The following SOX5 variants were observed in gnomAD, a reference collection of about 807,000 sequenced individuals.
SOX5 encodes the protein SRY-box transcription factor 5.
In SOX5, 9 loss-of-function variants were observed where a neutral mutation model predicts 92.0. That is an observed-to-expected ratio of 0.10 (90% CI 0.06 to 0.17). SOX5 has a LOEUF of 0.17. SOX5 is among the 10% of genes least tolerant of loss of function. The pLI is 1.00. For synonymous variants in SOX5, 344 were observed against 336.3 expected (o/e 1.02, Z -0.25); for missense variants, 642 against 944.5 (o/e 0.68, Z 4.20).
chr12:24,437,215 TG>T (rs1939613912), intron 1 of SOX5, among the ~76,000 whole-genome samples: 1 of 151,144 alleles, frequency 6.6e-6, no homozygotes, highest in Non-Finnish European at 1.5e-5. Context: ...TAATAAGCAA[TG>T]GGGAAATGAT....
intron 9 of SOX5, among the ~76,000 whole-genome samples, chr12:23,584,247 A>T (rs1317962018): frequency 6.6e-6 from 1 of 152,128 alleles, no homozygotes; most frequent in African/African-American, 2.4e-5. Context: ...ACGGGGGGAA[A>T]AAACCACTGA....
At chr12:23,950,998 CA>C, upstream of SOX5, 1 of 790,160 alleles carries the variant, frequency 1.3e-6, no homozygotes. Flanking sequence ...CACACACACA[CA>C]CACACTCACT....
chr12:23,711,157 T>G (rs1483134992), intron 6 of SOX5, among the ~76,000 whole-genome samples: 3 of 152,204 alleles, frequency 2.0e-5, no homozygotes, highest in Non-Finnish European at 2.9e-5. Context: ...ATGTTGCCTT[T>G]TTTTCTGTTT....
intron 1 of SOX5, among the ~76,000 whole-genome samples, chr12:23,942,937 T>C (rs1943930409): frequency 6.6e-6 from 1 of 152,088 alleles, no homozygotes; most frequent in South Asian, 2.1e-4. Flanking sequence ...AGAGCAGAAA[T>C]AGAAACGCTG....
At chr12:24,462,048 A>G (rs1235810957) in intron 1 of SOX5, among the ~76,000 whole-genome samples, 1 of 152,216 alleles carries the variant, frequency 6.6e-6, no homozygotes, top group African/African-American at 2.4e-5. Context: ...ACAATGTACA[A>G]TCATGCATCA....
At chr12:24,562,511 CCT>C, upstream of SOX5, 1 of 153,050 alleles carries the variant, frequency 6.5e-6, no homozygotes, top group Non-Finnish European at 1.4e-5. Flanking sequence ...CGCGCGTGTC[CCT>C]CTCTCTCCCC....
chr12:24,179,191 G>A (rs556339790), intron 4 of SOX5, among the ~76,000 whole-genome samples: 79 of 152,142 alleles, frequency 5.2e-4, no homozygotes, highest in African/African-American at 1.8e-3. Context: ...TTAAATATTC[G>A]AACAGTATCT....
At chr12:23,990,013 C>T (rs1950415086) in intron 4 of SOX5, among the ~76,000 whole-genome samples, 1 of 151,260 alleles carries the variant, frequency 6.6e-6, no homozygotes, top group South Asian at 2.1e-4. Context: ...AGAGATAGTG[C>T]CATTATTAAC....
chr12:23,622,639 C>T (rs1205795106), intron 8 of SOX5, among the ~76,000 whole-genome samples: 2 of 152,014 alleles, frequency 1.3e-5, no homozygotes, highest in African/African-American at 4.8e-5. Flanking sequence ...AAAATTTACC[C>T]ATTAAAATAT....
intron 1 of SOX5, among the ~76,000 whole-genome samples, chr12:24,499,678 G>C (rs1420123042): frequency 6.6e-6 from 1 of 151,680 alleles, no homozygotes; most frequent in Non-Finnish European, 1.5e-5. Context: ...ATGAAAGGCT[G>C]ATTTAATAGT....
chr12:23,964,950 T>A (rs1000514710), intron 4 of SOX5, among the ~76,000 whole-genome samples: 1 of 152,150 alleles, frequency 6.6e-6, no homozygotes, highest in South Asian at 2.1e-4. Flanking sequence ...AACCAGCCAG[T>A]AGGGGAGCAG....
chr12:24,461,264 T>TAATC (rs1177550547), intron 1 of SOX5, among the ~76,000 whole-genome samples: 1 of 151,786 alleles, frequency 6.6e-6, no homozygotes, highest in Admixed American at 6.6e-5. Flanking sequence ...GCTGGTCATT[T>TAATC]AAGTCAGAAA....
chr12:24,334,688 T>C (rs1951695180), intron 2 of SOX5, among the ~76,000 whole-genome samples: 1 of 152,144 alleles, frequency 6.6e-6, no homozygotes, highest in African/African-American at 2.4e-5. Flanking sequence ...AAACAAAGTT[T>C]TATGCATACA....
intron 6 of SOX5, among the ~76,000 whole-genome samples, chr12:23,684,612 T>C (rs1026080130): frequency 3.9e-5 from 6 of 152,114 alleles, no homozygotes; most frequent in Non-Finnish European, 8.8e-5. Flanking sequence ...TCTGGAAATA[T>C]AGGCCTATAG....
At chr12:23,846,725 C>T (rs2096579314) in intron 2 of SOX5, among the ~76,000 whole-genome samples, 1 of 151,954 alleles carries the variant, frequency 6.6e-6, no homozygotes, top group Non-Finnish European at 1.5e-5. Context: ...TTAGTTTTTC[C>T]ACCTCCCTCT....
chr12:24,394,015 A>T (rs1959213522), intron 1 of SOX5, among the ~76,000 whole-genome samples: 1 of 152,198 alleles, frequency 6.6e-6, no homozygotes, highest in Admixed American at 6.5e-5. Flanking sequence ...CAGAGACCTG[A>T]CCACACTATT....
chr12:24,014,030 T>C (rs11047208), intron 4 of SOX5, among the ~76,000 whole-genome samples: 1 of 152,346 alleles, frequency 6.6e-6, no homozygotes, highest in East Asian at 1.9e-4. Flanking sequence ...GAGAAGTGTC[T>C]ATTAGTCTAT....
At chr12:24,285,158 A>C (rs937553152) in intron 2 of SOX5, among the ~76,000 whole-genome samples, 3 of 152,080 alleles carry the variant, frequency 2.0e-5, no homozygotes, top group Non-Finnish European at 4.4e-5. Context: ...AAAAAAAATA[A>C]TCAGAGTGGC....
intron 9 of SOX5, among the ~76,000 whole-genome samples, chr12:23,589,591 C>G (rs1292823306): frequency 8.6e-5 from 13 of 151,870 alleles, no homozygotes; most frequent in Non-Finnish European, 1.5e-5. Flanking sequence ...ACAGTAAGGG[C>G]TGGGAAGTAA....
Sources: allele counts gnomAD v4.1 joint callset (sites outside exome capture counted in the v4.1 genomes callset), GRCh38; gene constraint gnomAD v4.1.1; transcripts MANE v1.5; gene names NCBI Gene and HGNC (gene_info 2026-07-23, HGNC 2026-07-21).